The following PBX1 variants were observed in gnomAD, a reference collection of about 807,000 sequenced individuals.
The protein encoded by PBX1 is PBX homeobox 1, also known as pre-B-cell leukemia transcription factor 1.
A neutral mutation model predicts 53.4 loss-of-function variants in PBX1; 6 were observed. The observed-to-expected ratio is 0.11, with a 90% confidence interval of 0.06 to 0.22. The LOEUF is 0.22. Ranked by LOEUF, PBX1 falls within the 10% of genes least tolerant of loss-of-function variation. PBX1 has a pLI of 1.00. For synonymous variants in PBX1, 204 were observed against 212.3 expected, an observed-to-expected ratio of 0.96 and a Z score of 0.34; for missense variants, 251 against 551.4, an observed-to-expected ratio of 0.46 and a Z score of 5.46.
rs772900634 is a variant in PBX1, at chr1:164,846,726, G to T, written c.*50G>T. 2.5e-6 allele frequency: 4 copies of T among 1,613,670 alleles called. No homozygotes were observed. Among genetic ancestry groups the T allele is most frequent in the Non-Finnish European group, 3.4e-6 (4 of 1,179,852 alleles). ...GACCCTGTGCCCCAGTTGGGGCAGG[G>T]GCAGGAGGGAGGGTTTCTCTCCCAA... is the stretch of plus-strand genomic sequence containing the variant. On this transcript the variant is annotated 3_prime_UTR_variant, in exon 9 of 9. Coordinates refer to ENST00000420696, the MANE Select transcript of PBX1 (RefSeq NM_002585.4).
intron 2 of PBX1, among the ~76,000 whole-genome samples, chr1:164,753,888 T>G (rs900210065): frequency 1.3e-5 from 2 of 152,204 alleles, no homozygotes; most frequent in Non-Finnish European, 2.9e-5. Flanking sequence ...AGTTGAGCAG[T>G]TGCCTCACCT....
At chr1:164,718,306 T>C (rs1414711618) in intron 2 of PBX1, among the ~76,000 whole-genome samples, 1 of 152,218 alleles carries the variant, frequency 6.6e-6, no homozygotes, top group Non-Finnish European at 1.5e-5. Flanking sequence ...GAATTCATCA[T>C]ACACAACCTC....
At chr1:164,831,636 A>T (rs9887954) in intron 8 of PBX1, among the ~76,000 whole-genome samples, 1 of 151,972 alleles carries the variant, frequency 6.6e-6, no homozygotes, top group Non-Finnish European at 1.5e-5. Flanking sequence ...TGATTCGCCC[A>T]CCTCAGCCTC....
intron 2 of PBX1, among the ~76,000 whole-genome samples, chr1:164,768,139 C>T (rs1467062289): frequency 6.6e-6 from 1 of 151,976 alleles, no homozygotes; most frequent in East Asian, 1.9e-4. Flanking sequence ...TAAAAAAAAC[C>T]TAACATTGAT....
rs149104054 is a variant in PBX1 at position 164,803,006 on chromosome 1, G to C, written c.701+3117G>C. Among the ~76,000 whole-genome samples, 95 of 152,182 alleles carry C rather than the reference G, an allele frequency of 6.2e-4. 1 individual carries two copies. In the East Asian group the frequency reaches 0.018, roughly 29 times the overall value. On this transcript the variant is annotated intron_variant, in intron 4 of 8. Transcript: ENST00000420696. ...CAAACAGATAATTAAAAGTACGTCT[G>C]TATACTTCACTGCAATAGAGGGGAT...
chr1:164,766,953 C>A (rs1337022824), intron 2 of PBX1, among the ~76,000 whole-genome samples: 2 of 151,912 alleles, frequency 1.3e-5, no homozygotes, highest in Non-Finnish European at 2.9e-5. Context: ...TGGTCTCGAA[C>A]TCCCGACCTC....
chr1:164,645,005 C>T (rs1659365001), intron 2 of PBX1, among the ~76,000 whole-genome samples: 1 of 152,198 alleles, frequency 6.6e-6, no homozygotes, highest in South Asian at 2.1e-4. Context: ...CCAAATGCAA[C>T]AGCTGTTAAA....
chr1:164,669,384 A>G (rs544568916), intron 2 of PBX1, among the ~76,000 whole-genome samples: 1 of 152,302 alleles, frequency 6.6e-6, no homozygotes, highest in Non-Finnish European at 1.5e-5. Flanking sequence ...ACTGGGAATT[A>G]AGAGCAAGGG....
At chr1:164,776,214 A>G (rs767482167) in intron 2 of PBX1, among the ~76,000 whole-genome samples, 10 of 152,164 alleles carry the variant, frequency 6.6e-5, no homozygotes, top group Non-Finnish European at 1.5e-4. Context: ...GGTATTTATC[A>G]TAGCTCATTG....
intron 8 of PBX1, among the ~76,000 whole-genome samples, chr1:164,826,120 T>C (rs1244514844): frequency 1.3e-5 from 2 of 152,216 alleles, no homozygotes; most frequent in African/African-American, 4.8e-5. Context: ...AACTGAAAGC[T>C]CTCTTTCAGC....
At chr1:164,725,819 A>T (rs1228860296) in intron 2 of PBX1, among the ~76,000 whole-genome samples, 1 of 152,160 alleles carries the variant, frequency 6.6e-6, no homozygotes, top group East Asian at 1.9e-4. Flanking sequence ...ATCATTTTTG[A>T]GCAAGAAAGC....
At chr1:164,580,321 C>G (rs907356806) in intron 2 of PBX1, among the ~76,000 whole-genome samples, 1 of 152,214 alleles carries the variant, frequency 6.6e-6, no homozygotes, top group Non-Finnish European at 1.5e-5. Context: ...CTCTGTTGCT[C>G]AGGCTGGAGT....
chr1:164,597,822 TTAAA>T (rs1331640779), intron 2 of PBX1, among the ~76,000 whole-genome samples: 6 of 152,098 alleles, frequency 3.9e-5, no homozygotes, highest in Admixed American at 1.3e-4. Context: ...TATTTAAAAA[TTAAA>T]TAAATAATTA....
rs540862893 is a variant in PBX1 at position 164,826,815 on chromosome 1, A to G, written c.1200+5189A>G. On this transcript the variant is annotated intron_variant, in intron 8 of 8. Coordinates refer to ENST00000420696, the MANE Select transcript of PBX1 (RefSeq NM_002585.4). ...TTTTCTTATTCAAAAGGTTTGGTGA[A>G]AATGGAAATAAGTGTCAGCATTATC... Among the ~76,000 whole-genome samples the G allele has an allele frequency of 2.0e-5, 3 of 152,356 alleles. No homozygotes were observed. In the East Asian group the frequency reaches 5.8e-4, roughly 29 times the overall value.
chr1:164,587,061 A>C (rs1240022191), intron 2 of PBX1, among the ~76,000 whole-genome samples: 1 of 152,188 alleles, frequency 6.6e-6, no homozygotes, highest in Non-Finnish European at 1.5e-5. Context: ...CCCATGCTTG[A>C]CATTGAGCAG....
At chr1:164,786,720 T>TGTGTGTGTGTGTGTGTGCGCGC (rs1357886882) in intron 2 of PBX1, among the ~76,000 whole-genome samples, 24 of 116,248 alleles carry the variant, frequency 2.1e-4, no homozygotes, top group African/African-American at 8.0e-4. Context: ...TGTGTGTGTG[T>TGTGTGTGTGTGTGTGTGCGCGC]GCGCGCGCAC....
At chr1:164,616,714 A>G (rs1411076563) in intron 2 of PBX1, among the ~76,000 whole-genome samples, 1 of 152,202 alleles carries the variant, frequency 6.6e-6, no homozygotes, top group African/African-American at 2.4e-5. Flanking sequence ...CCCAATGCTA[A>G]CTTCAGAGGG....
intron 7 of PBX1, among the ~76,000 whole-genome samples, chr1:164,821,306 T>G (rs557725471): frequency 7.5e-6 from 1 of 133,032 alleles, no homozygotes; most frequent in Admixed American, 7.2e-5. Flanking sequence ...AATGTGGAGA[T>G]CCCAGTTTTC....
chr1:164,827,153 T>A (rs549569967), intron 8 of PBX1, among the ~76,000 whole-genome samples: 1 of 152,372 alleles, frequency 6.6e-6, no homozygotes, highest in Non-Finnish European at 1.5e-5. Context: ...ATTTTAATTT[T>A]TTCTTAACTA....
Sources: gnomAD v4.1 joint callset for allele counts (sites outside exome capture counted in the v4.1 genomes callset) on GRCh38, gnomAD v4.1.1 for gene constraint, MANE v1.5 for transcripts, NCBI Gene and HGNC (gene_info 2026-07-23, HGNC 2026-07-21) for gene names.